Variants in NCKAP5L observed in about 807,000 individuals in gnomAD.
NCKAP5L encodes NCK associated protein 5 like.
Under a neutral mutation model 103.2 loss-of-function variants are expected in NCKAP5L, and 54 were observed. The ratio of observed to expected loss-of-function variants is 0.52; its 90% CI spans 0.42 to 0.66. The LOEUF is 0.66. Among genes scored for constraint, NCKAP5L ranks in the 30% least tolerant of loss-of-function variants. The probability of loss-of-function intolerance (pLI) is 0.00; values close to 1 mark genes in which losing one functional copy is unlikely to be tolerated. For synonymous variants in NCKAP5L, 762 were observed against 748.6 expected, an observed-to-expected ratio of 1.02 and a Z score of -0.29; for missense variants, 1,733 against 1,750.6, an observed-to-expected ratio of 0.99 and a Z score of 0.18.
rs1450464875 is a variant in NCKAP5L at position 49,791,760 on chromosome 12, C to T, written c.*79G>A. ...GGTCCCTTCAGGGAGGGGTCCCCGT[C>T]TCCGGGGGCTGGGCATGAAGAGAGC... On this transcript the variant is annotated 3_prime_UTR_variant, in exon 13 of 13. Transcript: ENST00000335999. The T allele has an allele frequency of 1.5e-6, 2 of 1,324,848 alleles. No homozygotes were observed. Among genetic ancestry groups the T allele is most frequent in the Non-Finnish European group, 2.0e-6 (2 of 985,778 alleles). 82.1% of individuals were successfully genotyped at this position (1,324,848 alleles called of 1,614,324 possible). A position where few individuals can be genotyped will look rare whatever the true frequency, so the allele number is the denominator to read the frequency against.
Position 49,797,097 on chromosome 12 carries a change from G to A in NCKAP5L, c.763C>T (p.Leu255=). 6.3e-7 allele frequency: 1 copy of A among 1,589,568 alleles called. No homozygotes were observed. Among genetic ancestry groups the A allele is most frequent in the South Asian group, 1.1e-5 (1 of 87,904 alleles). The change falls in exon 8 of 13, where the codon CTG becomes TTG. Residue 255 remains leucine (L), a synonymous_variant. Transcript: ENST00000335999. This position sits in a 1 kb window ranked among gnomAD's most constrained non-coding sequence, Gnocchi z 4.5. ...LLGPGNLGGL[L]HWERLLGGLG... is the part of the protein sequence containing the mutation. ...CCCCCCAAGAGGCGCTCCCAGTGCA[G>A]CAGGCCTCCCAGGTTGCCAGGGCCT...
intron 1 of NCKAP5L, among the ~76,000 whole-genome samples, chr12:49,824,943 T>C (rs1025762077): frequency 6.6e-6 from 1 of 152,192 alleles, no homozygotes; most frequent in East Asian, 1.9e-4. Context: ...GGCCCAGCTT[T>C]CTGCTATCTC....
rs1423638074 is a variant in NCKAP5L, at chr12:49,797,263, C to T, written c.597G>A (p.Glu199=). The T allele has an allele frequency of 1.2e-6, 2 of 1,613,466 alleles. No individual in the cohort carries two copies. The highest frequency in any genetic ancestry group is 1.7e-6 in the Non-Finnish European group (2 of 1,179,840). Residue 199 remains glutamate (E), a synonymous_variant, in exon 8 of 13, where the codon GAG becomes GAA. Coordinates refer to ENST00000335999, the MANE Select transcript of NCKAP5L (RefSeq NM_001037806.4). The surrounding 1 kb of genome is among the most constrained non-coding windows in gnomAD (Gnocchi z 4.5). The stretch of plus-strand genomic sequence containing the variant: ...GTGAGCAGAGAAGCAAGGGGTCAGT[C>T]TCTTCCAGGGCTCTCAGCACCTCCA... ...QILEVLRALE[E]TDPLLLCSPA... is the part of the protein sequence containing the mutation.
At chr12:49,817,202 A>AT (rs992323471) in intron 1 of NCKAP5L, among the ~76,000 whole-genome samples, 2 of 152,194 alleles carry the variant, frequency 1.3e-5, no homozygotes, top group South Asian at 4.1e-4. Flanking sequence ...AAGAATTAAT[A>AT]TTTTTTAAAT....
rs921118307 is a variant in NCKAP5L, at chr12:49,792,224, C to T, written c.3793-173G>A. On this transcript the variant is annotated intron_variant, in intron 12 of 12. Coordinates refer to ENST00000335999, the MANE Select transcript of NCKAP5L (RefSeq NM_001037806.4). This position sits in a 1 kb window ranked among gnomAD's most constrained non-coding sequence, Gnocchi z 4.5. The stretch of plus-strand genomic sequence containing the variant: ...GCTGGAGGTACAACTGAGAACAGTC[C>T]TACAAGGTTCTGGGGAGGGACAGAA... 9.1e-7 allele frequency: 1 copy of T among 1,093,886 alleles called. No individual in the cohort carries two copies. The highest frequency in any genetic ancestry group is 1.6e-5 in the African/African-American group (1 of 64,428). 67.8% of individuals were successfully genotyped at this position (1,093,886 alleles called of 1,614,324 possible).
Position 49,792,830 on chromosome 12 carries a change from A to C in NCKAP5L, c.3497T>G (p.Leu1166Arg). 3 of 1,093,544 alleles carry C rather than the reference A, an allele frequency of 2.7e-6. No individual in the cohort carries two copies. Among genetic ancestry groups the C allele is most frequent in the Non-Finnish European group, 3.8e-6 (3 of 795,952 alleles). The allele number at this position is 1,093,544 out of a possible 1,614,324, so 67.7% of individuals were successfully genotyped here. ...GTGGGCGCGGCGGGGGACTTTGGTAAGGGGTGGGGGCCGAGCTGGGGGTAC... is the reference window on the plus strand; with the variant it reads ...GTGGGCGCGGCGGGGGACTTTGGTACGGGGTGGGGGCCGAGCTGGGGGTAC... ...PGVPPARPPP[L>R]TKVPRRAHTL... Residue 1166 changes from leucine to arginine, a missense_variant, in exon 11 of 13, where the codon CTT becomes CGT. Leu to Arg is a moderately radical substitution (Grantham distance 102). Transcript: ENST00000335999. This position sits in a 1 kb window ranked among gnomAD's most constrained non-coding sequence, Gnocchi z 4.5.
At position 49,793,839 on chromosome 12, in the gene NCKAP5L, C is replaced by T; in HGVS notation, c.3153G>A (p.Gly1051=). The change falls in exon 9 of 13, where the codon GGG becomes GGA. Residue 1051 remains glycine (G), a synonymous_variant. Coordinates refer to ENST00000335999, the MANE Select transcript of NCKAP5L (RefSeq NM_001037806.4). The part of the protein sequence containing the change: ...KSWREPKPEY[G]DFQPVSSDPK... ...GGTCAGAAGACACCGGCTGGAAATC[C>T]CCGTACTCAGGCTTGGGCTCCCGCC... The T allele has an allele frequency of 1.3e-6, 2 of 1,585,578 alleles. No individual in the cohort carries two copies. The highest frequency in any genetic ancestry group is 2.3e-5 in the South Asian group (2 of 86,574).
intron 1 of NCKAP5L, among the ~76,000 whole-genome samples, chr12:49,808,465 G>A (rs1372637086): frequency 1.3e-5 from 2 of 152,212 alleles, no homozygotes; most frequent in East Asian, 3.8e-4. Context: ...GTGGTGGGGA[G>A]GAGCACGGGC....
chr12:49,799,492 T>C (rs1317979065), intron 6 of NCKAP5L, among the ~76,000 whole-genome samples: 1 of 152,066 alleles, frequency 6.6e-6, no homozygotes. Flanking sequence ...AAAAAATTTT[T>C]TTTTTGTACA....
chr12:49,811,607 A>C (rs1946240753), intron 1 of NCKAP5L, among the ~76,000 whole-genome samples: 1 of 151,778 alleles, frequency 6.6e-6, no homozygotes, highest in Admixed American at 6.6e-5. Flanking sequence ...AAAATCTTTA[A>C]ATCTTAAAAA....
chr12:49,812,476 C>G (rs1391618026), intron 1 of NCKAP5L, among the ~76,000 whole-genome samples: 1 of 151,912 alleles, frequency 6.6e-6, no homozygotes, highest in Non-Finnish European at 1.5e-5. Flanking sequence ...CTCCGCCGCT[C>G]AGGTTCAAGC....
intron 1 of NCKAP5L, among the ~76,000 whole-genome samples, chr12:49,806,852 C>A (rs548312363): frequency 6.6e-6 from 1 of 152,190 alleles, no homozygotes; most frequent in Non-Finnish European, 1.5e-5. Flanking sequence ...ACACTTAGCC[C>A]AAAGGGTTGT....
chr12:49,802,942 T>C lies in NCKAP5L; in HGVS notation c.231+16A>G, dbSNP rs531817952. 5.0e-6 allele frequency: 8 copies of C among 1,612,768 alleles called. No individual in the cohort carries two copies. The East Asian group carries it at 1.1e-4, about 22-fold the overall frequency. On this transcript the variant is annotated intron_variant, in intron 5 of 12. Transcript: ENST00000335999. Reference sequence around the variant, plus strand: ...CTGTGCCCAGGGCTTCTCCCCAGGGTGTCTGGGTTACTCACCTTCTGGTTC... The same window carrying C: ...CTGTGCCCAGGGCTTCTCCCCAGGGCGTCTGGGTTACTCACCTTCTGGTTC...
At chr12:49,825,623 A>G (rs1592765463) in intron 1 of NCKAP5L, among the ~76,000 whole-genome samples, 1 of 152,004 alleles carries the variant, frequency 6.6e-6, no homozygotes, top group South Asian at 2.1e-4. Context: ...TGGGAAACTG[A>G]CCTCCCTGGG....
In NCKAP5L at chr12:49,792,162, A is replaced by C. The variant is rs1294572120; in HGVS notation, c.3793-111T>G. On this transcript the variant is annotated intron_variant, in intron 12 of 12. Transcript: ENST00000335999. This position sits in a 1 kb window ranked among gnomAD's most constrained non-coding sequence, Gnocchi z 4.5. Reference sequence around the variant, plus strand: ...TGCACCTGATGGGGGGCTGCTCCAGAGGGGGCCCAAGGTGGGGTATACTTC... The same window carrying C: ...TGCACCTGATGGGGGGCTGCTCCAGCGGGGGCCCAAGGTGGGGTATACTTC... 6.4e-6 allele frequency: 7 copies of C among 1,086,568 alleles called. No individual in the cohort carries two copies. The highest frequency in any genetic ancestry group is 9.2e-6 in the Non-Finnish European group (7 of 761,852). The allele number at this position is 1,086,568 out of a possible 1,614,324, so 67.3% of individuals were successfully genotyped here.
At chr12:49,794,573 G>A (rs1338490045) in intron 8 of NCKAP5L, among the ~76,000 whole-genome samples, 192 bp downstream of exon 8, 3 of 149,852 alleles carry the variant, frequency 2.0e-5, no homozygotes, top group African/African-American at 7.4e-5. Flanking sequence ...ATGAGGCCAA[G>A]CCCCTGATCT....
rs2136989498 is a variant in NCKAP5L, at chr12:49,792,464, C to T, written c.3774G>A (p.Gly1258=). The T allele has an allele frequency of 6.2e-7, 1 of 1,613,424 alleles. No homozygotes were observed. Among genetic ancestry groups the T allele is most frequent in the African/African-American group, 1.3e-5 (1 of 75,038 alleles). ...TTCTCACCATGGGGGTCCTGGGCAG[C>T]CCCTCCAGTTGTCGGGGTGGGCACA... ...PLMCPPRQLE[G]LPRTPMALPV... Residue 1258 remains glycine, a synonymous_variant, in exon 12 of 13, where the codon GGG becomes GGA. Transcript: ENST00000335999. The surrounding 1 kb of genome is among the most constrained non-coding windows in gnomAD (Gnocchi z 4.5).
Position 49,795,299 on chromosome 12 carries a change from CCA to C in NCKAP5L, c.2559_2560del (p.Cys853TrpfsTer2), listed in dbSNP as rs781415069. 4 of 1,529,098 alleles carry C rather than the reference CCA, an allele frequency of 2.6e-6. No individual in the cohort carries two copies. The highest frequency in any genetic ancestry group is 4.4e-5 in the Admixed American group (2 of 45,892). 94.7% of individuals were successfully genotyped at this position (1,529,098 alleles called of 1,614,324 possible). On this transcript the variant is annotated frameshift_variant, in exon 8 of 13. Transcript: ENST00000335999. LOFTEE classifies it high-confidence loss of function. ...GGGTGTGGACTGGGCCGTGGTACTACCACAGTCTGCCCAGGGAGGGCCCTTCC... is the reference window on the plus strand; with the variant it reads ...GGGTGTGGACTGGGCCGTGGTACTACCAGTCTGCCCAGGGAGGGCCCTTCC...
At chr12:49,798,957 C>G (rs1946089864) in intron 6 of NCKAP5L, among the ~76,000 whole-genome samples, 1 of 152,190 alleles carries the variant, frequency 6.6e-6, no homozygotes. Context: ...TGTGGAACAT[C>G]TACTCTGAGG....
Sources: allele counts gnomAD v4.1 joint callset (sites outside exome capture counted in the v4.1 genomes callset), GRCh38; gene constraint gnomAD v4.1.1; non-coding constraint Gnocchi (gnomAD v3.1); transcripts MANE v1.5; gene names NCBI Gene and HGNC (gene_info 2026-07-23, HGNC 2026-07-21).